Variants in ZNF385B observed in about 807,000 individuals in gnomAD.
ZNF385B encodes the protein zinc finger protein 385B.
Under a neutral mutation model 39.2 loss-of-function variants are expected in ZNF385B, and 23 were observed. The ratio of observed to expected loss-of-function variants is 0.59; its 90% confidence interval spans 0.42 to 0.83. ZNF385B has a LOEUF of 0.83. Ranked by LOEUF, ZNF385B falls within the 40% of genes least tolerant of loss-of-function variation. The probability of loss-of-function intolerance (pLI) is 0.00; values close to 1 mark genes in which losing one functional copy is unlikely to be tolerated. For synonymous variants in ZNF385B, 205 were observed against 222.6 expected, an observed-to-expected ratio of 0.92 and a Z score of 0.70; for missense variants, 552 against 598.9, an observed-to-expected ratio of 0.92 and a Z score of 0.82.
rs533821350 is a variant in ZNF385B, at chr2:179,721,305, G to A, written c.298+48198C>T. Among the ~76,000 whole-genome samples, 14 of 152,214 alleles carry A rather than the reference G, an allele frequency of 9.2e-5. No homozygotes were observed. In the East Asian group the frequency reaches 2.7e-3, roughly 29 times the overall value. Reference sequence around the variant, plus strand: ...AACATAAACGCAATGAAAACATTCTGAGGAAAATACAACTTAACCAAAATT... The same window carrying A: ...AACATAAACGCAATGAAAACATTCTAAGGAAAATACAACTTAACCAAAATT... On this transcript the variant is annotated intron_variant, in intron 3 of 9. Transcript: ENST00000410066.
chr2:179,493,631 ATATG>A (rs879859380), intron 5 of ZNF385B, among the ~76,000 whole-genome samples: 3,080 of 106,086 alleles, frequency 0.029, 380 homozygotes, highest in Admixed American at 0.061. Context: ...ATGTATACGC[ATATG>A]TATACACATA....
intron 3 of ZNF385B, among the ~76,000 whole-genome samples, chr2:179,670,252 A>C (rs981286835): frequency 1.4e-5 from 2 of 145,890 alleles, no homozygotes; most frequent in African/African-American, 5.1e-5. Context: ...AGATTGCGCC[A>C]CTGCACTCTC....
At chr2:179,493,456 T>C (rs543224032) in intron 5 of ZNF385B, among the ~76,000 whole-genome samples, 2 of 150,002 alleles carry the variant, frequency 1.3e-5, no homozygotes, top group East Asian at 2.0e-4. Context: ...TGTGTACATG[T>C]GTGTACATAT....
chr2:179,732,325 C>T (rs1701448209), intron 3 of ZNF385B, among the ~76,000 whole-genome samples: 1 of 152,164 alleles, frequency 6.6e-6, no homozygotes, highest in East Asian at 1.9e-4. Context: ...ACTAACTTTA[C>T]CCTTAATCCT....
chr2:179,606,637 A>G (rs1414719495), intron 3 of ZNF385B, among the ~76,000 whole-genome samples: 1 of 152,140 alleles, frequency 6.6e-6, no homozygotes, highest in African/African-American at 2.4e-5. Flanking sequence ...GTTTTTCCTT[A>G]TTCTGTTTTT....
intron 4 of ZNF385B, among the ~76,000 whole-genome samples, chr2:179,537,345 A>T (rs1321569805): frequency 6.6e-6 from 1 of 151,104 alleles, no homozygotes; most frequent in Non-Finnish European, 1.5e-5. Flanking sequence ...AAAAGAAAAG[A>T]AAAGGAAAAA....
intron 4 of ZNF385B, among the ~76,000 whole-genome samples, chr2:179,537,758 C>CAAA (rs775747223): frequency 1.0e-5 from 1 of 99,754 alleles, no homozygotes; most frequent in Non-Finnish European, 2.2e-5. Context: ...AACAAACAAA[C>CAAA]AAACAAACAA....
chr2:179,855,790 T>G (rs1306108663), intron 1 of ZNF385B, among the ~76,000 whole-genome samples: 1 of 152,100 alleles, frequency 6.6e-6, no homozygotes, highest in African/African-American at 2.4e-5. Context: ...CTACTACCAT[T>G]TCTTGAACAA....
chr2:179,830,869 A>C (rs79432660), intron 1 of ZNF385B, among the ~76,000 whole-genome samples: 11,143 of 152,232 alleles, frequency 0.073, 457 homozygotes, highest in Non-Finnish European at 0.09. Context: ...TTTAGTTAAT[A>C]ATAATGCATC....
In ZNF385B at chr2:179,861,388, G is replaced by C; in HGVS notation, c.-442C>G. On this transcript the variant is annotated 5_prime_UTR_variant, in exon 1 of 10. Coordinates refer to ENST00000410066, the MANE Select transcript of ZNF385B (RefSeq NM_152520.6). The stretch of plus-strand genomic sequence containing the variant: ...CCCCCGCGCTGAGCGCCTGCGCACC[G>C]GGCCTCGCCCAGGTGAGGGGCGTGT... 6.7e-6 allele frequency: 1 copy of C among 150,234 alleles called. No homozygotes were observed. The highest frequency in any genetic ancestry group is 2.0e-4 in the South Asian group (1 of 5,012). 9.3% of individuals were successfully genotyped at this position (150,234 alleles called of 1,614,324 possible).
chr2:179,532,334 G>C (rs753363535), intron 4 of ZNF385B, among the ~76,000 whole-genome samples: 1 of 152,114 alleles, frequency 6.6e-6, no homozygotes, highest in East Asian at 1.9e-4. Context: ...AAAATAAATA[G>C]AGCAAATGAA....
At chr2:179,842,501 G>C (rs971457704) in intron 1 of ZNF385B, among the ~76,000 whole-genome samples, 1 of 152,116 alleles carries the variant, frequency 6.6e-6, no homozygotes, top group African/African-American at 2.4e-5. Flanking sequence ...GTCCCACAGA[G>C]ATGCTCAAGA....
chr2:179,793,443 G>A (rs951312661), intron 1 of ZNF385B, among the ~76,000 whole-genome samples: 10 of 152,128 alleles, frequency 6.6e-5, no homozygotes, highest in Admixed American at 2.0e-4. Flanking sequence ...AGACCTGGTG[G>A]GAGGTGATTG....
chr2:179,711,108 C>G (rs1474290409), intron 3 of ZNF385B, among the ~76,000 whole-genome samples: 2 of 152,200 alleles, frequency 1.3e-5, no homozygotes, highest in Non-Finnish European at 2.9e-5. Context: ...AGCAAAATCA[C>G]ATGGCCCTGG....
chr2:179,637,346 TA>T (rs986477909), intron 3 of ZNF385B: 6 of 152,150 alleles, frequency 3.9e-5, no homozygotes, highest in African/African-American at 1.4e-4. Context: ...GGGGAGTTTT[TA>T]TTTTTATTTT....
At chr2:179,587,131 A>G (rs7608224) in intron 3 of ZNF385B, among the ~76,000 whole-genome samples, 57,309 of 151,802 alleles carry the variant, frequency 0.38, 10,932 homozygotes, top group African/African-American at 0.42. Context: ...GACCTTACCA[A>G]TTAGCACTTA....
Position 179,707,210 on chromosome 2 carries a change from G to A in ZNF385B, c.298+62293C>T, listed in dbSNP as rs770575148. ...ACGCCCGTGGAATTAGTGGAGCTGCGAAATAGGTTCAGGAAGAAGGGAAGA... is the reference window on the plus strand; with the variant it reads ...ACGCCCGTGGAATTAGTGGAGCTGCAAAATAGGTTCAGGAAGAAGGGAAGA... On this transcript the variant is annotated intron_variant, in intron 3 of 9. Transcript: ENST00000410066. Among the ~76,000 whole-genome samples, 4 of 152,320 alleles carry A rather than the reference G, an allele frequency of 2.6e-5. No individual in the cohort carries two copies. The South Asian group carries it at 6.2e-4, about 24-fold the overall frequency.
chr2:179,730,340 C>T (rs1701309480), intron 3 of ZNF385B, among the ~76,000 whole-genome samples: 1 of 152,184 alleles, frequency 6.6e-6, no homozygotes, highest in Non-Finnish European at 1.5e-5. Flanking sequence ...AGACATTCTT[C>T]CATGTTATAT....
At position 179,835,443 on chromosome 2, in the gene ZNF385B, C is replaced by T. The variant is rs185056451; in HGVS notation, c.-155+25658G>A. On this transcript the variant is annotated intron_variant, in intron 1 of 9. Coordinates refer to ENST00000410066, the MANE Select transcript of ZNF385B (RefSeq NM_152520.6). Reference sequence around the variant, plus strand: ...TCTAGCCCATATTATTCAGGTAGGGCCTAGACCTAATGGAATACACATAAG... The same window carrying T: ...TCTAGCCCATATTATTCAGGTAGGGTCTAGACCTAATGGAATACACATAAG... Among the ~76,000 whole-genome samples, 424 of 152,210 alleles carry T rather than the reference C, an allele frequency of 2.8e-3. 3 individuals carry two copies. The highest frequency in any genetic ancestry group is 4.7e-3 in the Non-Finnish European group (317 of 68,014).
Sources: gnomAD v4.1 joint callset for allele counts (sites outside exome capture counted in the v4.1 genomes callset) on GRCh38, gnomAD v4.1.1 for gene constraint, MANE v1.5 for transcripts, NCBI Gene and HGNC (gene_info 2026-07-23, HGNC 2026-07-21) for gene names.